Variants in BRINP3 observed in about 807,000 individuals in gnomAD.
BRINP3 encodes BMP/retinoic acid-inducible neural-specific protein 3.
In BRINP3, 19 loss-of-function variants were observed where a neutral mutation model predicts 71.0. The ratio of observed to expected loss-of-function variants is 0.27; its 90% confidence interval spans 0.19 to 0.39. BRINP3 has a LOEUF of 0.39. Among genes scored for constraint, BRINP3 ranks in the 10% least tolerant of loss-of-function variants. The probability of loss-of-function intolerance (pLI) is 1.00; values close to 1 mark genes in which losing one functional copy is unlikely to be tolerated. For missense variants in BRINP3, 959 were observed against 940.8 expected (o/e 1.02, Z -0.25); for synonymous variants, 380 against 337.7 (o/e 1.13, Z -1.37).
At position 190,276,599 on chromosome 1, in the gene BRINP3, A is replaced by G. The variant is rs149877711; in HGVS notation, c.427+4961T>C. On this transcript the variant is annotated intron_variant, in intron 3 of 7. Coordinates refer to ENST00000367462, the MANE Select transcript of BRINP3 (RefSeq NM_199051.3). ...CACAATATTTTGTAAAACTTTTTAG[A>G]TAAGTGAACTACATTGGAGGCATAG... is the stretch of plus-strand genomic sequence containing the variant. 1.0e-3 allele frequency among the ~76,000 whole-genome samples: 157 copies of G among 151,074 alleles called. 1 individual carries two copies. The highest frequency in any genetic ancestry group is 2.7e-3 in the South Asian group (13 of 4,802).
intron 3 of BRINP3, among the ~76,000 whole-genome samples, chr1:190,270,409 G>A (rs1185265622): frequency 2.6e-5 from 4 of 151,376 alleles, no homozygotes; most frequent in Non-Finnish European, 5.9e-5. Flanking sequence ...AGAATCCAGT[G>A]ATACTAATTG....
At position 190,230,639 on chromosome 1, in the gene BRINP3, TA is replaced by T. The variant is rs1001203054; in HGVS notation, c.724+3732del. ...AAAATTTGAACAAGATATACAAATA[TA>T]AAAAAAGTATATATGTATGTATAGT... On this transcript the variant is annotated intron_variant, in intron 5 of 7. Transcript: ENST00000367462. Among the ~76,000 whole-genome samples the T allele has an allele frequency of 2.8e-4, 43 of 151,904 alleles. 1 individual carries two copies. The highest frequency in any genetic ancestry group is 5.8e-4 in the East Asian group (3 of 5,188).
rs138989856 is a variant in BRINP3 at position 190,121,741 on chromosome 1, G to T, written c.1185-22607C>A. On this transcript the variant is annotated intron_variant, in intron 7 of 7. Transcript: ENST00000367462. ...TTGTGTGGGGAAAGTGGAAAAGGGAGGAATAGAAAAGAAAGCAGAGCTATT... is the reference window on the plus strand; with the variant it reads ...TTGTGTGGGGAAAGTGGAAAAGGGATGAATAGAAAAGAAAGCAGAGCTATT... Among the ~76,000 whole-genome samples the T allele has an allele frequency of 4.0e-5, 6 of 151,816 alleles. No homozygotes were observed. In the South Asian group the frequency reaches 1.0e-3, roughly 26 times the overall value.
At chr1:190,178,057 A>G in intron 6 of BRINP3, among the ~76,000 whole-genome samples, 1 of 152,208 alleles carries the variant, frequency 6.6e-6, no homozygotes. Context: ...ATGCCATTTT[A>G]TATAAGAGAC....
intron 1 of BRINP3, among the ~76,000 whole-genome samples, chr1:190,461,100 T>A (rs1239090457): frequency 6.6e-6 from 1 of 152,186 alleles, no homozygotes; most frequent in African/African-American, 2.4e-5. Context: ...TACCCCCAAT[T>A]ATGTAATGAC....
intron 2 of BRINP3, among the ~76,000 whole-genome samples, chr1:190,334,590 G>T (rs1445464651): frequency 6.6e-6 from 1 of 151,658 alleles, no homozygotes; most frequent in Non-Finnish European, 1.5e-5. Flanking sequence ...AGAAAAATGG[G>T]CTGAAAATTG....
chr1:190,144,804 A>G (rs1655749676), intron 7 of BRINP3, among the ~76,000 whole-genome samples: 1 of 152,078 alleles, frequency 6.6e-6, no homozygotes, highest in Non-Finnish European at 1.5e-5. Flanking sequence ...TATACTCTCC[A>G]TGGGAAGCCA....
At chr1:190,276,554 G>GACAC (rs150589288) in intron 3 of BRINP3, among the ~76,000 whole-genome samples, 2,097 of 145,840 alleles carry the variant, frequency 0.014, 50 homozygotes, top group African/African-American at 0.048. Flanking sequence ...TTCTTTAAAA[G>GACAC]ACACACACAC....
At chr1:190,139,117 T>C (rs1655211784) in intron 7 of BRINP3, among the ~76,000 whole-genome samples, 1 of 150,946 alleles carries the variant, frequency 6.6e-6, no homozygotes, top group African/African-American at 2.4e-5. Context: ...TTAGGTAAAA[T>C]AGATGGGTCA....
intron 4 of BRINP3, among the ~76,000 whole-genome samples, chr1:190,237,817 GAATACTGATAAGTAC>G (rs1658672377): frequency 6.6e-6 from 1 of 151,918 alleles, no homozygotes; most frequent in African/African-American, 2.4e-5. Context: ...TAAAACACTG[GAATACTGATAAGTAC>G]AATTAGCTCT....
At chr1:190,471,804 AT>A (rs1305800526) in intron 1 of BRINP3, among the ~76,000 whole-genome samples, 1 of 151,534 alleles carries the variant, frequency 6.6e-6, no homozygotes. Flanking sequence ...AAAAGCAACT[AT>A]TTTGTAAAGG....
intron 7 of BRINP3, among the ~76,000 whole-genome samples, chr1:190,138,335 T>C (rs1655147025): frequency 1.3e-5 from 2 of 152,158 alleles, no homozygotes; most frequent in Admixed American, 6.6e-5. Flanking sequence ...TTTATTTCAA[T>C]GAAGACTGCT....
intron 2 of BRINP3, among the ~76,000 whole-genome samples, chr1:190,430,989 GTAATA>G (rs1181608571): frequency 6.6e-6 from 1 of 151,912 alleles, no homozygotes; most frequent in Non-Finnish European, 1.5e-5. Flanking sequence ...TTATTGTTGA[GTAATA>G]TAATGTCTCA....
At chr1:190,330,043 C>T (rs1444255981) in intron 2 of BRINP3, among the ~76,000 whole-genome samples, 1 of 151,706 alleles carries the variant, frequency 6.6e-6, no homozygotes, top group African/African-American at 2.4e-5. Context: ...TTGAAGAAAA[C>T]TTAGGAAATA....
In BRINP3 at chr1:190,273,396, G is replaced by A. The variant is rs530758802; in HGVS notation, c.427+8164C>T. Among the ~76,000 whole-genome samples the A allele has an allele frequency of 4.6e-5, 7 of 151,628 alleles. No individual in the cohort carries two copies. In the East Asian group the frequency reaches 1.4e-3, roughly 29 times the overall value. On this transcript the variant is annotated intron_variant, in intron 3 of 7. Coordinates refer to ENST00000367462, the MANE Select transcript of BRINP3 (RefSeq NM_199051.3). ...GATTTTGAAAATGATTCAACATTCTGAGTCTGTTAGGCAGCAAAAGGATTA... is the reference window on the plus strand; with the variant it reads ...GATTTTGAAAATGATTCAACATTCTAAGTCTGTTAGGCAGCAAAAGGATTA...
chr1:190,429,556 A>C (rs959788192), intron 2 of BRINP3, among the ~76,000 whole-genome samples: 6 of 151,766 alleles, frequency 4.0e-5, no homozygotes, highest in African/African-American at 1.5e-4. Context: ...CAAGTTATCT[A>C]AAGATTTTTA....
chr1:190,360,789 A>G (rs1055289008), intron 2 of BRINP3, among the ~76,000 whole-genome samples: 1 of 152,102 alleles, frequency 6.6e-6, no homozygotes, highest in South Asian at 2.1e-4. Flanking sequence ...TGAGCACAGC[A>G]GTTATAAAGA....
At chr1:190,180,957 A>G (rs762205891) in intron 6 of BRINP3, among the ~76,000 whole-genome samples, 1 of 152,044 alleles carries the variant, frequency 6.6e-6, no homozygotes, top group Non-Finnish European at 1.5e-5. Flanking sequence ...ATTAATAGGC[A>G]TAATTTATGT....
chr1:190,203,790 TATATATATATATATATATATATATAA>T (rs1344734285), intron 6 of BRINP3, among the ~76,000 whole-genome samples: 6 of 99,858 alleles, frequency 6.0e-5, no homozygotes, highest in African/African-American at 2.5e-4. Context: ...TATATATATA[TATATATATATATATATATATATATAA>T]ATGAAAACAA....
Sources: gnomAD v4.1 joint callset for allele counts (sites outside exome capture counted in the v4.1 genomes callset) on GRCh38, gnomAD v4.1.1 for gene constraint, MANE v1.5 for transcripts, NCBI Gene and HGNC (gene_info 2026-07-23, HGNC 2026-07-21) for gene names.